Variants in AUTS2 observed in about 807,000 individuals in gnomAD.
AUTS2 encodes the protein activator of transcription and developmental regulator AUTS2.
A neutral mutation model predicts 112.4 loss-of-function variants in AUTS2; 17 were observed. That is an observed-to-expected ratio of 0.15 (90% CI 0.10 to 0.23). The LOEUF (loss-of-function observed/expected upper bound fraction) is 0.23. Ranked by LOEUF, AUTS2 falls within the 10% of genes least tolerant of loss-of-function variation. The pLI, the probability that AUTS2 is intolerant of heterozygous loss-of-function variation, is 1.00. For synonymous variants in AUTS2, 751 were observed against 702.7 expected, an observed-to-expected ratio of 1.07 and a Z score of -1.09; for missense variants, 1,510 against 1,701.6, an observed-to-expected ratio of 0.89 and a Z score of 1.98.
intron 2 of AUTS2, among the ~76,000 whole-genome samples, chr7:69,991,916 G>A (rs2129551581): frequency 6.6e-6 from 1 of 152,256 alleles, no homozygotes; most frequent in East Asian, 1.9e-4. Context: ...GTATCTGAGG[G>A]TAGAACATAC....
Position 70,301,124 on chromosome 7 carries a change from G to T in AUTS2, c.661-134628G>T, listed in dbSNP as rs144903414. 2.0e-5 allele frequency among the ~76,000 whole-genome samples: 3 copies of T among 152,220 alleles called. No individual in the cohort carries two copies. The East Asian group carries it at 5.8e-4, about 29-fold the overall frequency. On this transcript the variant is annotated intron_variant, in intron 4 of 18. Transcript: ENST00000342771. ...CATTTAGACCATAATTCAAACTGAG[G>T]TTTCCTATAAGTTCTGTGTTATATT...
chr7:70,645,388 G>A (rs1806100879), intron 5 of AUTS2, among the ~76,000 whole-genome samples: 1 of 151,882 alleles, frequency 6.6e-6, no homozygotes, highest in Non-Finnish European at 1.5e-5. Flanking sequence ...GTCACGGTGG[G>A]GCAGAGCAGA....
chr7:70,259,377 T>C (rs968084044), intron 4 of AUTS2, among the ~76,000 whole-genome samples: 2 of 152,104 alleles, frequency 1.3e-5, no homozygotes, highest in African/African-American at 2.4e-5. Flanking sequence ...TTAAACTTGA[T>C]CATTGATATG....
chr7:69,674,543 G>A (rs1796472451), intron 1 of AUTS2, among the ~76,000 whole-genome samples: 1 of 126,840 alleles, frequency 7.9e-6, no homozygotes, highest in Non-Finnish European at 1.6e-5. Flanking sequence ...ATATATGTTG[G>A]TTGTTATTGT....
chr7:69,928,151 C>T (rs1796094429), intron 2 of AUTS2, among the ~76,000 whole-genome samples: 1 of 152,038 alleles, frequency 6.6e-6, no homozygotes, highest in African/African-American at 2.4e-5. Flanking sequence ...GCAGGTAGTC[C>T]CAGTGAGTCC....
chr7:70,480,634 G>A (rs924653107), intron 5 of AUTS2, among the ~76,000 whole-genome samples: 13 of 152,174 alleles, frequency 8.5e-5, no homozygotes, highest in Non-Finnish European at 1.9e-4. Context: ...CAGGCAGTGA[G>A]TCCATCAATC....
chr7:70,273,134 C>T (rs1787770057), intron 4 of AUTS2, among the ~76,000 whole-genome samples: 3 of 152,086 alleles, frequency 2.0e-5, no homozygotes, highest in South Asian at 4.1e-4. Flanking sequence ...CTGCAACCTC[C>T]ACCTCCTAGG....
chr7:70,013,505 C>T (rs1433899181), intron 2 of AUTS2, among the ~76,000 whole-genome samples: 4 of 152,164 alleles, frequency 2.6e-5, no homozygotes, highest in African/African-American at 9.7e-5. Flanking sequence ...CCCATTTCCC[C>T]TCTCCACATT....
At chr7:70,713,749 G>A (rs1810191544) in intron 6 of AUTS2, among the ~76,000 whole-genome samples, 1 of 152,186 alleles carries the variant, frequency 6.6e-6, no homozygotes, top group Admixed American at 6.5e-5. Flanking sequence ...AAAGAAATTA[G>A]CCGGGCGTGG....
rs148604002 is a variant in AUTS2, at chr7:70,790,992, G to A, written c.3776G>A (p.Arg1259Gln). Residue 1259 changes from arginine (R) to glutamine (Q), a missense_variant, in exon 19 of 19, where the codon CGA (arginine) becomes CAA (glutamine). Arg to Gln is a conservative substitution (Grantham distance 43). This residue lies in a region of AUTS2 where 788 missense variants were observed against 797.6 expected (regional missense o/e 0.99). Coordinates refer to ENST00000342771, the MANE Select transcript of AUTS2 (RefSeq NM_015570.4). This position sits in a 1 kb window ranked among gnomAD's most constrained non-coding sequence, Gnocchi z 7.6. ...CACACGCTGAAGGATATCGAGGCCC[G>A]ATAAGCCGAGAACAGGAGCAAGAAC... is the stretch of plus-strand genomic sequence containing the variant. ...PSHTLKDIEA[R>Q] The A allele has an allele frequency of 1.5e-4, 222 of 1,495,088 alleles. No homozygotes were observed. Among genetic ancestry groups the A allele is most frequent in the Non-Finnish European group, 1.9e-4 (213 of 1,122,886 alleles). 92.6% of individuals were successfully genotyped at this position (1,495,088 alleles called of 1,614,324 possible). A position where few individuals can be genotyped will look rare whatever the true frequency, so the allele number is the denominator to read the frequency against.
At chr7:70,557,980 C>T (rs1398419230) in intron 5 of AUTS2, among the ~76,000 whole-genome samples, 1 of 152,196 alleles carries the variant, frequency 6.6e-6, no homozygotes, top group Admixed American at 6.5e-5. Context: ...CTGTACCCAG[C>T]TGCATCCTGC....
intron 5 of AUTS2, among the ~76,000 whole-genome samples, chr7:70,601,113 C>T (rs184836351): frequency 6.6e-6 from 1 of 152,234 alleles, no homozygotes; most frequent in Non-Finnish European, 1.5e-5. Flanking sequence ...TCCAAAGTGA[C>T]TGTACCATTT....
intron 2 of AUTS2, among the ~76,000 whole-genome samples, chr7:70,010,567 G>C (rs532068748): frequency 1.3e-5 from 2 of 152,284 alleles, no homozygotes; most frequent in South Asian, 4.1e-4. Context: ...GATGAGCCGA[G>C]CACCTGCTGA....
intron 2 of AUTS2, among the ~76,000 whole-genome samples, chr7:69,929,296 C>G (rs1364993677): frequency 2.0e-5 from 3 of 151,806 alleles, no homozygotes; most frequent in South Asian, 2.1e-4. Flanking sequence ...TGTTTTCTCT[C>G]TAGTGCTGCT....
rs1365009810 is a variant in AUTS2 at position 70,301,320 on chromosome 7, T to C, written c.661-134432T>C. Reference sequence around the variant, plus strand: ...TGTTGGTGATTAGTACATAAAAATGTGGGTTTTTCTCATAAGTGGTTTTAA... The same window carrying C: ...TGTTGGTGATTAGTACATAAAAATGCGGGTTTTTCTCATAAGTGGTTTTAA... On this transcript the variant is annotated intron_variant, in intron 4 of 18. Transcript: ENST00000342771. Among the ~76,000 whole-genome samples, 6 of 152,200 alleles carry C rather than the reference T, an allele frequency of 3.9e-5. No individual in the cohort carries two copies. In the East Asian group the frequency reaches 1.2e-3, roughly 29 times the overall value.
intron 5 of AUTS2, among the ~76,000 whole-genome samples, chr7:70,565,808 C>G (rs150225829): frequency 3.0e-4 from 45 of 152,194 alleles, no homozygotes; most frequent in Admixed American, 5.2e-4. Context: ...ATATAATTTC[C>G]TGAGACTATA....
chr7:70,663,174 C>G (rs1239250573), intron 5 of AUTS2, among the ~76,000 whole-genome samples: 15 of 152,162 alleles, frequency 9.9e-5, no homozygotes, highest in Admixed American at 9.8e-4. Context: ...GCAGGCGGAT[C>G]ACTTGAGGCC....
intron 5 of AUTS2, among the ~76,000 whole-genome samples, chr7:70,530,591 A>G (rs568837729): frequency 2.1e-4 from 32 of 152,304 alleles, no homozygotes; most frequent in Non-Finnish European, 4.4e-4. Context: ...GTGCCTCTGC[A>G]GGATACATTC....
chr7:70,295,108 C>T (rs546042664), intron 4 of AUTS2, among the ~76,000 whole-genome samples: 2 of 152,306 alleles, frequency 1.3e-5, no homozygotes, highest in African/African-American at 4.8e-5. Flanking sequence ...GCTCCCAGCT[C>T]ATAAAATAGA....
Sources: allele counts gnomAD v4.1 joint callset (sites outside exome capture counted in the v4.1 genomes callset), GRCh38; gene constraint gnomAD v4.1.1; regional missense constraint gnomAD v4.1.1; non-coding constraint Gnocchi (gnomAD v3.1); transcripts MANE v1.5; gene names NCBI Gene and HGNC (gene_info 2026-07-23, HGNC 2026-07-21).